The following SCAMP4 variants were observed in gnomAD, a reference collection of about 807,000 sequenced individuals.
The protein encoded by SCAMP4 is secretory carrier membrane protein 4, also known as secretory carrier-associated membrane protein 4.
A neutral mutation model predicts 32.1 loss-of-function variants in SCAMP4; 19 were observed. The ratio of observed to expected loss-of-function variants is 0.59; its 90% CI spans 0.41 to 0.87. SCAMP4 has a LOEUF of 0.87. SCAMP4 is among the 40% of genes least tolerant of loss of function. SCAMP4 has a pLI of 0.00. For missense variants in SCAMP4, 302 were observed against 309.0 expected (o/e 0.98, Z 0.17); for synonymous variants, 152 against 132.7 (o/e 1.15, Z -1.00).
chr19:1,912,205 CA>C, intron 1 of SCAMP4: 1 of 1,589,924 alleles, frequency 6.3e-7, no homozygotes, highest in Non-Finnish European at 8.5e-7. Flanking sequence ...GAGAAGCAGT[CA>C]GGGGACGTGG....
At chr19:1,921,950 A>T (rs1331018051) in intron 5 of SCAMP4, 1 of 985,482 alleles carries the variant, frequency 1.0e-6, no homozygotes, top group African/African-American at 1.7e-5. Flanking sequence ...GTGCGTGCAT[A>T]TCACGCCCCG....
intron 2 of SCAMP4, among the ~76,000 whole-genome samples, chr19:1,917,092 G>C (rs1055457619): frequency 2.6e-5 from 4 of 152,210 alleles, no homozygotes; most frequent in Non-Finnish European, 5.9e-5. Context: ...TTGAGGTCAG[G>C]AGTTCAAAAC....
chr19:1,919,179 A>G, intron 5 of SCAMP4, 189 bp downstream of exon 5: 1 of 1,427,108 alleles, frequency 7.0e-7, no homozygotes, highest in Non-Finnish European at 9.1e-7. Flanking sequence ...GCCAGCACCC[A>G]GCCATGGTTC....
At chr19:1,913,742 G>T (rs914380009) in intron 1 of SCAMP4, among the ~76,000 whole-genome samples, 5 of 152,244 alleles carry the variant, frequency 3.3e-5, no homozygotes, top group Admixed American at 6.5e-5. Context: ...TGGCAACAGG[G>T]GACCCCAAAG....
chr19:1,916,264 CA>C (rs954870126), intron 2 of SCAMP4, among the ~76,000 whole-genome samples: 1 of 151,158 alleles, frequency 6.6e-6, no homozygotes, highest in Non-Finnish European at 1.5e-5. Context: ...CATGGAGATA[CA>C]GGAGGAGTCG....
Position 1,908,594 on chromosome 19 carries a change from C to A in SCAMP4, c.-42+3155C>A, listed in dbSNP as rs1354470303. 1 of 471,118 alleles carries A rather than the reference C, an allele frequency of 2.1e-6. No individual in the cohort carries two copies. Among genetic ancestry groups the A allele is most frequent in the Non-Finnish European group, 4.4e-6 (1 of 227,042 alleles). The allele number at this position is 471,118 out of a possible 1,614,324, so 29.2% of individuals were successfully genotyped here. ...ATCTGCGGCTTAGCCCCAGCACCATCTGAGGCAGTACTGTCTGCTAGAAAT... is the reference window on the plus strand; with the variant it reads ...ATCTGCGGCTTAGCCCCAGCACCATATGAGGCAGTACTGTCTGCTAGAAAT... On this transcript the variant is annotated intron_variant, in intron 1 of 6. Transcript: ENST00000316097. The surrounding 1 kb of genome is among the most constrained non-coding windows in gnomAD (Gnocchi z 4.2).
At chr19:1,918,092 G>A (rs368504212) in intron 3 of SCAMP4, 35 bp from the exon 4 acceptor site, 75 of 1,586,454 alleles carry the variant, frequency 4.7e-5, no homozygotes, top group Admixed American at 1.9e-4. Context: ...ACACCCTCCC[G>A]TGCCTGCTCA....
intron 2 of SCAMP4, 105 bp from the exon 3 acceptor site, chr19:1,917,589 C>A (rs1044001981): frequency 1.6e-6 from 2 of 1,281,056 alleles, no homozygotes; most frequent in African/African-American, 2.9e-5. Flanking sequence ...ACTGCAGAGT[C>A]CCTTCTGCCA....
intron 1 of SCAMP4, among the ~76,000 whole-genome samples, chr19:1,907,592 C>G (rs2013199101): frequency 6.6e-6 from 1 of 152,106 alleles, no homozygotes; most frequent in Non-Finnish European, 1.5e-5. Flanking sequence ...GCCTCCTCAT[C>G]TGTGGGCTTA....
At chr19:1,912,126 C>T (rs747441084) in intron 1 of SCAMP4, 1 of 1,551,472 alleles carries the variant, frequency 6.4e-7, no homozygotes, top group South Asian at 1.2e-5. Context: ...CGTGGAGCAG[C>T]CCAAGTGCTT....
At chr19:1,918,687 G>C (rs998798367) in intron 4 of SCAMP4, 2 of 762,036 alleles carry the variant, frequency 2.6e-6, no homozygotes, top group East Asian at 3.0e-5. Context: ...GCTTGAACCC[G>C]GGAGGCAGAG....
chr19:1,924,129 GC>G lies in SCAMP4; in HGVS notation c.536del (p.Ala179ValfsTer228). 6.2e-7 allele frequency: 1 copy of G among 1,610,532 alleles called. No individual in the cohort carries two copies. ...GCAGGTGCACAGGATCTACCGAGGG[GC>G]TGGCGGAAGCTTCCAGAAGGCACAG... is the stretch of plus-strand genomic sequence containing the variant. The part of the protein sequence containing the change: ...IMKVHRIYRG[A>X]GGSFQKAQTE... On this transcript the variant is annotated frameshift_variant, in exon 7 of 7. Coordinates refer to ENST00000316097, the MANE Select transcript of SCAMP4 (RefSeq NM_079834.4). LOFTEE classifies it high-confidence loss of function.
At chr19:1,912,194 C>G in intron 1 of SCAMP4, 2 of 1,585,994 alleles carry the variant, frequency 1.3e-6, no homozygotes, top group South Asian at 1.1e-5. Flanking sequence ...CTGTCCTGTC[C>G]GAGAAGCAGT....
chr19:1,921,811 C>G (rs2013929051), intron 5 of SCAMP4: 1 of 983,928 alleles, frequency 1.0e-6, no homozygotes, highest in African/African-American at 1.8e-5. Context: ...GAGAAACCAT[C>G]TCTCCAGAAA....
chr19:1,912,751 A>G lies in SCAMP4; in HGVS notation c.-41-2228A>G, dbSNP rs1327521851. ...GGCCACGACTGCAGCTGCGCGGACAACCCCCTCCTGCACGCCGTCATGGTG... is the reference window on the plus strand; with the variant it reads ...GGCCACGACTGCAGCTGCGCGGACAGCCCCCTCCTGCACGCCGTCATGGTG... On this transcript the variant is annotated intron_variant, in intron 1 of 6. Coordinates refer to ENST00000316097, the MANE Select transcript of SCAMP4 (RefSeq NM_079834.4). 1.3e-5 allele frequency: 20 copies of G among 1,549,648 alleles called. No individual in the cohort carries two copies. In the East Asian group the frequency reaches 1.5e-4, roughly 11 times the overall value.
chr19:1,914,693 G>A, intron 1 of SCAMP4: 1 of 501,336 alleles, frequency 2.0e-6, no homozygotes, highest in Non-Finnish European at 3.7e-6. Flanking sequence ...GGGACGCAGG[G>A]GCCTAGGACA....
intron 5 of SCAMP4, chr19:1,921,815 C>T: frequency 1.0e-6 from 1 of 984,406 alleles, no homozygotes; most frequent in Non-Finnish European, 1.2e-6. Context: ...AACCATCTCT[C>T]CAGAAAAAAA....
At chr19:1,914,093 C>T (rs2013642855) in intron 1 of SCAMP4, among the ~76,000 whole-genome samples, 1 of 152,160 alleles carries the variant, frequency 6.6e-6, no homozygotes, top group African/African-American at 2.4e-5. Flanking sequence ...GTGGGAGCCG[C>T]AGAGGCGTGC....
chr19:1,925,536 C>CTA lies in SCAMP4; in HGVS notation c.*1252_*1253insTA. On this transcript the variant is annotated 3_prime_UTR_variant, in exon 7 of 7. Transcript: ENST00000316097. The stretch of plus-strand genomic sequence containing the variant: ...CCCAGGCAAGACATTTTCACAGCAC[C>CTA]ATTCACAACGGTTGGGCCAAAAAGA... The CTA allele has an allele frequency of 6.5e-6, 1 of 153,376 alleles. No homozygotes were observed. The highest frequency in any genetic ancestry group is 1.9e-4 in the East Asian group (1 of 5,172). The allele number at this position is 153,376 out of a possible 1,614,324, so 9.5% of individuals were successfully genotyped here.
Sources: gnomAD v4.1 joint callset for allele counts (sites outside exome capture counted in the v4.1 genomes callset) on GRCh38, gnomAD v4.1.1 for gene constraint, Gnocchi (gnomAD v3.1) non-coding constraint, MANE v1.5 for transcripts, NCBI Gene and HGNC (gene_info 2026-07-23, HGNC 2026-07-21) for gene names.